Variants in ERBB2 observed in about 807,000 individuals in gnomAD.
ERBB2 encodes the protein erb-b2 receptor tyrosine kinase 2, also known as receptor tyrosine-protein kinase erbB-2.
In ERBB2, 61 loss-of-function variants were observed where a neutral mutation model predicts 149.0. The observed-to-expected ratio is 0.41, with a 90% CI of 0.33 to 0.51. The LOEUF (loss-of-function observed/expected upper bound fraction) is 0.51, where lower values mean the gene tolerates loss of function less well. ERBB2 is among the 20% of genes least tolerant of loss of function. ERBB2 has a pLI of 0.25. For synonymous variants in ERBB2, 633 were observed against 678.8 expected (o/e 0.93, Z 1.05); for missense variants, 1,205 against 1,655.1 (o/e 0.73, Z 4.72).
In ERBB2 at chr17:39,723,399, A is replaced by T. The variant is rs1418604945; in HGVS notation, c.2027A>T (p.Lys676Met). 6.2e-7 allele frequency: 1 copy of T among 1,614,000 alleles called. No homozygotes were observed. Among genetic ancestry groups the T allele is most frequent in the Non-Finnish European group, 8.5e-7 (1 of 1,180,032 alleles). Residue 676 changes from lysine to methionine, a missense_variant, in exon 17 of 27, where the codon AAG becomes ATG. Coordinates refer to ENST00000269571, the MANE Select transcript of ERBB2 (RefSeq NM_004448.4). This position sits in a 1 kb window ranked among gnomAD's most constrained non-coding sequence, Gnocchi z 6.2. Reference sequence around the variant, plus strand: ...GGGGTGGTCTTTGGGATCCTCATCAAGCGACGGCAGCAGAAGATCCGGAAG... The same window carrying T: ...GGGGTGGTCTTTGGGATCCTCATCATGCGACGGCAGCAGAAGATCCGGAAG... ...VLGVVFGILI[K>M]RRQQKIRKYT...
At chr17:39,699,515 C>A (rs752762743), upstream of ERBB2, 1 of 1,532,658 alleles carries the variant, frequency 6.5e-7, no homozygotes, top group South Asian at 1.2e-5. Context: ...TTTGTAGACC[C>A]TCTTAAGATC....
In ERBB2 at chr17:39,716,207, C is replaced by T. The variant is rs1025449075; in HGVS notation, c.1514-94C>T. 11 of 1,392,674 alleles carry T rather than the reference C, an allele frequency of 7.9e-6. No individual in the cohort carries two copies. The African/African-American group carries it at 1.2e-4, about 15-fold the overall frequency. The allele number at this position is 1,392,674 out of a possible 1,614,324, so 86.3% of individuals were successfully genotyped here. On this transcript the variant is annotated intron_variant, in intron 12 of 26. Coordinates refer to ENST00000269571, the MANE Select transcript of ERBB2 (RefSeq NM_004448.4). ...TCGGCCCCACCTGTCCCCACCCCTC[C>T]AGCCCACAGCCATGCCCACAGCCAG...
At chr17:39,701,140 C>G (rs1053624259) in intron 1 of ERBB2, among the ~76,000 whole-genome samples, 3 of 151,852 alleles carry the variant, frequency 2.0e-5, no homozygotes, top group Non-Finnish European at 4.4e-5. Flanking sequence ...TGGTGCTGTG[C>G]GTGGGGAAGG....
Position 39,725,102 on chromosome 17 carries a change from G to T in ERBB2, c.2547G>T (p.Arg849=), listed in dbSNP as rs766022187. 6.2e-7 allele frequency: 1 copy of T among 1,614,174 alleles called. No individual in the cohort carries two copies. Among genetic ancestry groups the T allele is most frequent in the Admixed American group, 1.7e-5 (1 of 60,020 alleles). ...VRLVHRDLAA[R]NVLVKSPNHV... is the part of the protein sequence containing the mutation. ...TCGTACACAGGGACTTGGCCGCTCGGAACGTGCTGGTCAAGAGTCCCAACC... is the reference window on the plus strand; with the variant it reads ...TCGTACACAGGGACTTGGCCGCTCGTAACGTGCTGGTCAAGAGTCCCAACC... Residue 849 remains arginine (R), a synonymous_variant, in exon 21 of 27, where the codon CGG becomes CGT. Transcript: ENST00000269571. This position sits in a 1 kb window ranked among gnomAD's most constrained non-coding sequence, Gnocchi z 4.6.
Position 39,726,790 on chromosome 17 carries a change from C to A in ERBB2, c.2971-25C>A, listed in dbSNP as rs1433254236. 1 of 1,605,600 alleles carries A rather than the reference C, an allele frequency of 6.2e-7. No homozygotes were observed. On this transcript the variant is annotated intron_variant, in intron 24 of 26. Coordinates refer to ENST00000269571, the MANE Select transcript of ERBB2 (RefSeq NM_004448.4). The surrounding 1 kb of genome is among the most constrained non-coding windows in gnomAD (Gnocchi z 5.1). ...GCATGCTGGGCTGGGGAGGGGCCACCATCCTGCCTCTCCTTCCTCCACAGA... is the reference window on the plus strand; with the variant it reads ...GCATGCTGGGCTGGGGAGGGGCCACAATCCTGCCTCTCCTTCCTCCACAGA...
At chr17:39,694,269 G>A (rs796767867), upstream of ERBB2, among the ~76,000 whole-genome samples, 2,215 of 17,546 alleles carry the variant, frequency 0.13, 331 homozygotes, top group Non-Finnish European at 0.18. Flanking sequence ...ATATATATAT[G>A]TGTGTATATA....
chr17:39,712,024 A>G lies in ERBB2; in HGVS notation c.998A>G (p.Lys333Arg). ...GAGGATGGAACACAGCGGTGTGAGAAGTGCAGCAAGCCCTGTGCCCGAGGT... is the reference window on the plus strand; with the variant it reads ...GAGGATGGAACACAGCGGTGTGAGAGGTGCAGCAAGCCCTGTGCCCGAGGT... ...TAEDGTQRCE[K>R]CSKPCARVCY... Residue 333 changes from lysine to arginine, a missense_variant, in exon 8 of 27, where the codon AAG becomes AGG. This residue lies in a region of ERBB2 where 569 missense variants were observed against 803.5 expected (regional missense o/e 0.71). Transcript: ENST00000269571. 2.5e-6 allele frequency: 4 copies of G among 1,614,050 alleles called. No individual in the cohort carries two copies. Among genetic ancestry groups the G allele is most frequent in the Non-Finnish European group, 2.5e-6 (3 of 1,179,996 alleles).
upstream of ERBB2, among the ~76,000 whole-genome samples, chr17:39,690,643 A>G (rs1224697786): frequency 2.6e-5 from 4 of 152,148 alleles, no homozygotes; most frequent in Admixed American, 6.5e-5. Flanking sequence ...CTAGATGGCG[A>G]TTACCTGGCC....
chr17:39,691,957 A>ATATATC (rs964668266), upstream of ERBB2, among the ~76,000 whole-genome samples: 6 of 145,386 alleles, frequency 4.1e-5, no homozygotes, highest in East Asian at 3.9e-4. Context: ...ATATATATAT[A>ATATATC]TCTCTTGTGT....
At chr17:39,698,548 C>T (rs1003762790), upstream of ERBB2, among the ~76,000 whole-genome samples, 11 of 152,142 alleles carry the variant, frequency 7.2e-5, no homozygotes, top group Admixed American at 7.2e-4. Flanking sequence ...TGTGAGCCAC[C>T]GCGACTGGCC....
Position 39,723,749 on chromosome 17 carries a change from G to C in ERBB2, c.2208+89G>C. 4 of 1,542,346 alleles carry C rather than the reference G, an allele frequency of 2.6e-6. No homozygotes were observed. Among genetic ancestry groups the C allele is most frequent in the Non-Finnish European group, 3.5e-6 (4 of 1,139,324 alleles). On this transcript the variant is annotated intron_variant, in intron 18 of 26. Transcript: ENST00000269571. The surrounding 1 kb of genome is among the most constrained non-coding windows in gnomAD (Gnocchi z 6.2). ...TCGGCAGTTCTGATGGGAGGGGCAA[G>C]AGCTGGAGGCAGTGTTTGGGGGAGG...
intron 16 of ERBB2, among the ~76,000 whole-genome samples, chr17:39,721,288 T>C (rs1267450404): frequency 2.3e-5 from 3 of 133,008 alleles, no homozygotes; most frequent in Non-Finnish European, 4.8e-5. Context: ...TTTTTTGATA[T>C]GGAGTCTTGC....
rs750920450 is a variant in ERBB2, at chr17:39,701,461, G to GCTA, written c.73+1152_73+1153insACT. ...TGCACCTGGAGCAATGAGGGACACT[G>GCTA]CTCCCTGAGTCACTGGGCTGCAGGG... On this transcript the variant is annotated intron_variant, in intron 1 of 26. Coordinates refer to ENST00000269571, the MANE Select transcript of ERBB2 (RefSeq NM_004448.4). 1.1e-3 allele frequency among the ~76,000 whole-genome samples: 166 copies of GCTA among 152,230 alleles called. 1 individual carries two copies. The Middle Eastern group carries it at 0.017, about 16-fold the overall frequency.
intron 1 of ERBB2, among the ~76,000 whole-genome samples, chr17:39,701,366 G>A (rs1250270323): frequency 6.6e-6 from 1 of 150,674 alleles, no homozygotes; most frequent in African/African-American, 2.5e-5. Flanking sequence ...GCTAGTAAGT[G>A]GTGGGGTCAA....
At chr17:39,695,755 ACACG>A (rs1273114902), upstream of ERBB2, among the ~76,000 whole-genome samples, 14 of 144,760 alleles carry the variant, frequency 9.7e-5, no homozygotes, top group African/African-American at 3.3e-4. Context: ...ACACACACAC[ACACG>A]TCTCCTGTGC....
At position 39,726,477 on chromosome 17, in the gene ERBB2, G is replaced by A. The variant is rs1337105906; in HGVS notation, c.2873-85G>A. On this transcript the variant is annotated intron_variant, in intron 23 of 26. Transcript: ENST00000269571. This position sits in a 1 kb window ranked among gnomAD's most constrained non-coding sequence, Gnocchi z 5.1. ...TTGGGCTGTCCCTTGGGACTGTCTAGACCAGACTGGAGGGGGAGTGGGAGG... is the reference window on the plus strand; with the variant it reads ...TTGGGCTGTCCCTTGGGACTGTCTAAACCAGACTGGAGGGGGAGTGGGAGG... 9 of 1,145,306 alleles carry A rather than the reference G, an allele frequency of 7.9e-6. No individual in the cohort carries two copies. The highest frequency in any genetic ancestry group is 1.2e-5 in the Non-Finnish European group (9 of 765,852). The allele number at this position is 1,145,306 out of a possible 1,614,324, so 70.9% of individuals were successfully genotyped here.
chr17:39,694,262 T>TATATATACAC (rs1597842228), upstream of ERBB2, among the ~76,000 whole-genome samples: 2 of 28,894 alleles, frequency 6.9e-5, no homozygotes, highest in African/African-American at 2.1e-4. Context: ...TATATATATA[T>TATATATACAC]ATATATGTGT....
In ERBB2 at chr17:39,700,149, C is replaced by T. The variant is rs1597850469; in HGVS notation, c.-90C>T. 5 of 1,321,068 alleles carry T rather than the reference C, an allele frequency of 3.8e-6. No individual in the cohort carries two copies. In the South Asian group the frequency reaches 6.5e-5, roughly 17 times the overall value. The allele number at this position is 1,321,068 out of a possible 1,614,324, so 81.8% of individuals were successfully genotyped here. The stretch of plus-strand genomic sequence containing the variant: ...ACGGGGCCCTTTACTGCGCCGCGCG[C>T]CCGGCCCCCACCCCTCGCAGCACCC... On this transcript the variant is annotated 5_prime_UTR_variant, in exon 1 of 27. Coordinates refer to ENST00000269571, the MANE Select transcript of ERBB2 (RefSeq NM_004448.4).
Position 39,725,509 on chromosome 17 carries a change from G to T in ERBB2, c.2725+107G>T. 7.6e-7 allele frequency: 1 copy of T among 1,309,158 alleles called. No individual in the cohort carries two copies. Among genetic ancestry groups the T allele is most frequent in the East Asian group, 2.3e-5 (1 of 42,730 alleles). The allele number at this position is 1,309,158 out of a possible 1,614,324, so 81.1% of individuals were successfully genotyped here. On this transcript the variant is annotated intron_variant, in intron 22 of 26. Coordinates refer to ENST00000269571, the MANE Select transcript of ERBB2 (RefSeq NM_004448.4). This position sits in a 1 kb window ranked among gnomAD's most constrained non-coding sequence, Gnocchi z 4.6. ...GGGGCCACCTCAGCATGTGAAGGGA[G>T]GGAAGGGGCTGCCTGTGCCCCACCT... is the stretch of plus-strand genomic sequence containing the variant.
Sources: gnomAD v4.1 joint callset for allele counts (sites outside exome capture counted in the v4.1 genomes callset) on GRCh38, gnomAD v4.1.1 for gene constraint, gnomAD v4.1.1 regional missense constraint, Gnocchi (gnomAD v3.1) non-coding constraint, MANE v1.5 for transcripts, NCBI Gene and HGNC (gene_info 2026-07-23, HGNC 2026-07-21) for gene names.